Variants in GABRG3 observed in about 807,000 individuals in gnomAD.
The protein encoded by GABRG3 is gamma-aminobutyric acid type A receptor subunit gamma3, also known as gamma-aminobutyric acid receptor subunit gamma-3.
In GABRG3, 25 loss-of-function variants were observed where a neutral mutation model predicts 48.8. The ratio of observed to expected loss-of-function variants is 0.51; its 90% CI spans 0.37 to 0.72. GABRG3 has a LOEUF of 0.72. GABRG3 is among the 30% of genes least tolerant of loss of function. The probability of loss-of-function intolerance (pLI) is 0.00; values close to 1 mark genes in which losing one functional copy is unlikely to be tolerated. For synonymous variants in GABRG3, 227 were observed against 217.6 expected (o/e 1.04, Z -0.38); for missense variants, 394 against 577.9 (o/e 0.68, Z 3.26).
At chr15:27,436,995 T>TG (rs34620495) in intron 5 of GABRG3, among the ~76,000 whole-genome samples, 1 of 130,594 alleles carries the variant, frequency 7.7e-6, no homozygotes, top group Admixed American at 7.9e-5. Flanking sequence ...CTCCGAAAAA[T>TG]AGAGAGAGAG....
In GABRG3 at chr15:27,319,698, C is replaced by CG. The variant is rs1893354317; in HGVS notation, c.271-7108dup. ...GATGGGGAGGAAGGGAGGTCTGTGC[C>CG]GGGATGTTGTACCAATGCGTGCACC... is the stretch of plus-strand genomic sequence containing the variant. On this transcript the variant is annotated intron_variant, in intron 3 of 9. Coordinates refer to ENST00000615808, the MANE Select transcript of GABRG3 (RefSeq NM_033223.5). The surrounding 1 kb of genome is among the most constrained non-coding windows in gnomAD (Gnocchi z 4.4). 6.6e-6 allele frequency among the ~76,000 whole-genome samples: 1 copy of CG among 151,924 alleles called. No individual in the cohort carries two copies. The highest frequency in any genetic ancestry group is 1.5e-5 in the Non-Finnish European group (1 of 67,980).
chr15:27,369,039 C>T (rs549041420), intron 5 of GABRG3, among the ~76,000 whole-genome samples: 1 of 152,306 alleles, frequency 6.6e-6, no homozygotes, highest in South Asian at 2.1e-4. Context: ...TTTATATGTT[C>T]ACCATCCTCT....
At chr15:27,223,848 T>G (rs985826677) in intron 3 of GABRG3, among the ~76,000 whole-genome samples, 10 of 152,228 alleles carry the variant, frequency 6.6e-5, no homozygotes, top group Admixed American at 3.3e-4. Context: ...GCCCCCCTTT[T>G]TGTGTTACAG....
At chr15:27,256,269 G>A (rs535403567) in intron 3 of GABRG3, among the ~76,000 whole-genome samples, 18 of 150,294 alleles carry the variant, frequency 1.2e-4, no homozygotes, top group South Asian at 4.2e-4. Context: ...GGTGAAACCC[G>A]TCTCTACTAA....
chr15:27,481,760 A>G (rs1890105212), intron 6 of GABRG3, among the ~76,000 whole-genome samples: 1 of 152,218 alleles, frequency 6.6e-6, no homozygotes, highest in Admixed American at 6.5e-5. Flanking sequence ...GTGTTTAAAT[A>G]TTAAACAATG....
intron 5 of GABRG3, among the ~76,000 whole-genome samples, chr15:27,458,461 A>G (rs1889352195): frequency 6.6e-6 from 1 of 152,172 alleles, no homozygotes; most frequent in South Asian, 2.1e-4. Flanking sequence ...CTGGGAATGT[A>G]ATCATCTTTC....
chr15:27,195,845 G>A (rs866444465), intron 3 of GABRG3, among the ~76,000 whole-genome samples: 4 of 152,154 alleles, frequency 2.6e-5, no homozygotes, highest in Admixed American at 6.5e-5. Flanking sequence ...ATTTTGGCCA[G>A]GCTGGCCTCA....
chr15:26,990,803 ATTTT>A (rs36038223), intron 2 of GABRG3, among the ~76,000 whole-genome samples: 1 of 129,442 alleles, frequency 7.7e-6, no homozygotes, highest in Non-Finnish European at 1.6e-5. Context: ...ATCCATTTTG[ATTTT>A]TTTTTTTTTT....
intron 3 of GABRG3, among the ~76,000 whole-genome samples, chr15:27,138,602 G>GC (rs1898049684): frequency 6.6e-6 from 1 of 152,118 alleles, no homozygotes; most frequent in South Asian, 2.1e-4. Context: ...CACTTGGAGT[G>GC]CCCCCCTGGA....
chr15:27,184,705 C>A (rs1888038329), intron 3 of GABRG3, among the ~76,000 whole-genome samples: 1 of 152,018 alleles, frequency 6.6e-6, no homozygotes, highest in African/African-American at 2.4e-5. Context: ...AATTATGGAT[C>A]CAATTTATTT....
chr15:27,424,579 G>A (rs1352527355), intron 5 of GABRG3, among the ~76,000 whole-genome samples: 11 of 143,028 alleles, frequency 7.7e-5, no homozygotes, highest in Non-Finnish European at 1.7e-4. Flanking sequence ...TTGAGACAGA[G>A]TCTCACTCTT....
chr15:27,011,275 G>T (rs114202824), intron 2 of GABRG3, among the ~76,000 whole-genome samples: 1 of 152,082 alleles, frequency 6.6e-6, no homozygotes, highest in Admixed American at 6.5e-5. Context: ...TTATTGTGAC[G>T]TGTACAACTT....
intron 2 of GABRG3, among the ~76,000 whole-genome samples, chr15:26,980,500 A>G (rs1241564053): frequency 4.6e-5 from 7 of 151,970 alleles, no homozygotes; most frequent in Non-Finnish European, 1.0e-4. Flanking sequence ...ACACGGTGAA[A>G]TCCCGTCTCT....
At chr15:26,992,083 C>T (rs1895260544) in intron 2 of GABRG3, among the ~76,000 whole-genome samples, 2 of 152,180 alleles carry the variant, frequency 1.3e-5, no homozygotes, top group Admixed American at 1.3e-4. Context: ...GTATGTCAAA[C>T]TGTATCCTGC....
At chr15:27,038,573 G>A (rs932268944) in intron 3 of GABRG3, among the ~76,000 whole-genome samples, 10 of 152,208 alleles carry the variant, frequency 6.6e-5, no homozygotes, top group African/African-American at 2.4e-4. Context: ...CCTTCCCTGT[G>A]TTAGGGTTGG....
At chr15:27,198,385 A>T (rs1888568237) in intron 3 of GABRG3, among the ~76,000 whole-genome samples, 2 of 152,244 alleles carry the variant, frequency 1.3e-5, no homozygotes, top group African/African-American at 2.4e-5. Context: ...GCCAAAAAAC[A>T]TATGAAAAAA....
intron 2 of GABRG3, among the ~76,000 whole-genome samples, chr15:27,015,037 C>A (rs968467434): frequency 5.9e-5 from 9 of 152,056 alleles, no homozygotes; most frequent in African/African-American, 2.2e-4. Context: ...TTGTGTCTTG[C>A]GACAGTTTTT....
intron 3 of GABRG3, among the ~76,000 whole-genome samples, chr15:27,289,550 G>C (rs1236437661): frequency 1.3e-5 from 2 of 152,188 alleles, no homozygotes; most frequent in African/African-American, 4.8e-5. Context: ...AGTGGCATCT[G>C]TAAGACTCAA....
chr15:27,302,877 C>T (rs1892259152), intron 3 of GABRG3, among the ~76,000 whole-genome samples: 1 of 151,530 alleles, frequency 6.6e-6, no homozygotes, highest in Non-Finnish European at 1.5e-5. Flanking sequence ...TTAAATATGC[C>T]GTGGACCAAA....
Sources: gnomAD v4.1 joint callset for allele counts (sites outside exome capture counted in the v4.1 genomes callset) on GRCh38, gnomAD v4.1.1 for gene constraint, Gnocchi (gnomAD v3.1) non-coding constraint, MANE v1.5 for transcripts, NCBI Gene and HGNC (gene_info 2026-07-23, HGNC 2026-07-21) for gene names.